Variants in POGK observed in about 807,000 individuals in gnomAD.
POGK encodes the protein pogo transposable element derived with KRAB domain.
Under a neutral mutation model 54.4 loss-of-function variants are expected in POGK, and 16 were observed. That is an observed-to-expected ratio of 0.29 (90% confidence interval 0.20 to 0.45). The LOEUF is 0.45. Ranked by LOEUF, POGK falls within the 20% of genes least tolerant of loss-of-function variation. The probability of loss-of-function intolerance (pLI) is 1.00; values close to 1 mark genes in which losing one functional copy is unlikely to be tolerated. For missense variants in POGK, 515 were observed against 795.6 expected (o/e 0.65, Z 4.24); for synonymous variants, 271 against 302.2 (o/e 0.90, Z 1.07).
intron 4 of POGK, 50 bp from the exon 5 acceptor site, chr1:166,848,888 G>T: frequency 6.5e-7 from 1 of 1,535,572 alleles, no homozygotes; most frequent in Non-Finnish European, 8.8e-7. Context: ...CAGGGTATAA[G>T]CCATTTTACT....
At chr1:166,841,197 C>CCGGTGT in intron 2 of POGK, 109 bp downstream of exon 2, 1 of 1,439,300 alleles carries the variant, frequency 6.9e-7, no homozygotes, top group Admixed American at 2.3e-5. Flanking sequence ...ATAGCCCAGC[C>CCGGTGT]CGGTGTGTTT....
Position 166,848,243 on chromosome 1 carries a change from G to A in POGK, c.358+651G>A, listed in dbSNP as rs116647818. Among the ~76,000 whole-genome samples the A allele has an allele frequency of 9.8e-3, 1,497 of 152,274 alleles. 26 individuals carry two copies. The highest frequency in any genetic ancestry group is 0.033 in the African/African-American group (1,383 of 41,540). ...ATTGAGAATGCCTCTTAAAATCAGT[G>A]GCATGTCATAGCTTAATTAGTAGTG... On this transcript the variant is annotated intron_variant, in intron 4 of 5. Coordinates refer to ENST00000367876, the MANE Select transcript of POGK (RefSeq NM_017542.5).
At chr1:166,840,859 C>G in intron 1 of POGK, 96 bp from the exon 2 acceptor site, 1 of 1,494,596 alleles carries the variant, frequency 6.7e-7, no homozygotes. Context: ...GTGCTTGGGG[C>G]TAAAGAGGTT....
Position 166,855,284 on chromosome 1 carries a change from T to C in POGK, c.*2714T>C, listed in dbSNP as rs1367121408. The C allele has an allele frequency of 6.6e-6, 1 of 152,202 alleles. No individual in the cohort carries two copies. The highest frequency in any genetic ancestry group is 2.4e-5 in the African/African-American group (1 of 41,436). 9.4% of individuals were successfully genotyped at this position (152,202 alleles called of 1,614,324 possible). A position where few individuals can be genotyped will look rare whatever the true frequency, so the allele number is the denominator to read the frequency against. On this transcript the variant is annotated 3_prime_UTR_variant, in exon 6 of 6. Transcript: ENST00000367876. ...CTGCAGGAAAAAATAAGTTTTATTC[T>C]AAGTCTGAAATTATATGGTTTCCAA... is the stretch of plus-strand genomic sequence containing the variant.
chr1:166,846,275 G>A (rs972758670), intron 2 of POGK, among the ~76,000 whole-genome samples: 2 of 152,212 alleles, frequency 1.3e-5, no homozygotes, highest in African/African-American at 2.4e-5. Flanking sequence ...GAGGTGAGCC[G>A]TGAGCAGCTC....
chr1:166,848,801 A>G (rs750850403), intron 4 of POGK, 137 bp from the exon 5 acceptor site: 2 of 1,186,628 alleles, frequency 1.7e-6, no homozygotes, highest in East Asian at 2.4e-5. Context: ...GACTTAGGCA[A>G]TGTTACCTGT....
At chr1:166,841,435 C>T (rs546852512) in intron 2 of POGK, among the ~76,000 whole-genome samples, 1 of 152,162 alleles carries the variant, frequency 6.6e-6, no homozygotes, top group Admixed American at 6.5e-5. Flanking sequence ...TTGAAGGGAA[C>T]CATTTTAAAT....
At chr1:166,843,749 C>CTTTGAGATAGCA (rs779331785) in intron 2 of POGK, among the ~76,000 whole-genome samples, 10 of 152,106 alleles carry the variant, frequency 6.6e-5, no homozygotes, top group Admixed American at 1.3e-4. Flanking sequence ...AACATTTACC[C>CTTTGAGATAGCA]TTTGAGATAG....
rs1657974077 is a variant in POGK at position 166,849,531 on chromosome 1, G to A, written c.952G>A (p.Asp318Asn). 6.2e-7 allele frequency: 1 copy of A among 1,614,144 alleles called. No individual in the cohort carries two copies. The highest frequency in any genetic ancestry group is 1.3e-5 in the African/African-American group (1 of 74,954). The part of the protein sequence containing the change: ...GWCRRMMRRY[D>N]LSLRHKVPVP... ...GTGTCGAAGAATGATGAGAAGGTAT[G>A]ACCTGTCTCTGAGGCATAAAGTGCC... The change falls in exon 5 of 6, where the codon GAC (aspartate) becomes AAC (asparagine). Residue 318 changes from aspartate to asparagine, a missense_variant. Coordinates refer to ENST00000367876, the MANE Select transcript of POGK (RefSeq NM_017542.5).
At chr1:166,846,853 C>T in intron 3 of POGK, 115 bp downstream of exon 3, 1 of 1,366,764 alleles carries the variant, frequency 7.3e-7, no homozygotes, top group Non-Finnish European at 1.0e-6. Context: ...ACTCTGCCTC[C>T]TCAATGTCTG....
intron 4 of POGK, among the ~76,000 whole-genome samples, chr1:166,847,946 A>G (rs1435927467): frequency 6.6e-6 from 1 of 152,168 alleles, no homozygotes; most frequent in Non-Finnish European, 1.5e-5. Context: ...TAGTGAGAGG[A>G]AGCACACTTC....
intron 1 of POGK, chr1:166,839,900 GGGGGC>G: frequency 6.6e-6 from 1 of 152,300 alleles, no homozygotes. Context: ...GAACGCGCCC[GGGGGC>G]GCGGCGGCGG....
At chr1:166,852,396 C>T (rs2232521) in intron 5 of POGK, 189 bp from the exon 6 acceptor site, 54,969 of 152,096 alleles carry the variant, frequency 0.36, 10,063 homozygotes, top group Middle Eastern at 0.5. Flanking sequence ...CCACAATTCT[C>T]TCTGCAGCTC....
chr1:166,851,736 G>C (rs909350907), intron 5 of POGK: 1 of 152,234 alleles, frequency 6.6e-6, no homozygotes, highest in Non-Finnish European at 1.5e-5. Context: ...TGATCCTCCA[G>C]ACAGTGTTTT....
chr1:166,845,758 A>G (rs985493536), intron 2 of POGK, among the ~76,000 whole-genome samples: 16 of 152,334 alleles, frequency 1.1e-4, no homozygotes, highest in African/African-American at 3.8e-4. Flanking sequence ...AATGACTGTA[A>G]TAAGAAATAC....
At chr1:166,840,885 C>A in intron 1 of POGK, 70 bp from the exon 2 acceptor site, 2 of 1,587,178 alleles carry the variant, frequency 1.3e-6, no homozygotes, top group Non-Finnish European at 1.7e-6. Context: ...GTGGCTCAGC[C>A]TCCCCCATCA....
intron 5 of POGK, chr1:166,851,326 TC>T: frequency 6.6e-6 from 1 of 152,338 alleles, no homozygotes; most frequent in Middle Eastern, 3.4e-3. Flanking sequence ...TACTTGCTTT[TC>T]CCTACAGAGT....
At chr1:166,841,168 A>G (rs1031923367) in intron 2 of POGK, 80 bp downstream of exon 2, 1 of 1,562,530 alleles carries the variant, frequency 6.4e-7, no homozygotes, top group African/African-American at 1.4e-5. Flanking sequence ...TCCTCCTCAG[A>G]CAGACGTGGG....
rs372380432 is a variant in POGK, at chr1:166,850,187, C to T, written c.1608C>T (p.Thr536=). Residue 536 remains threonine (T), a synonymous_variant, in exon 5 of 6, where the codon ACC becomes ACT. Transcript: ENST00000367876. ...LLAGNLALSP[T]GNAKKPPLGL... ...CTGGGAACCTGGCGCTGAGCCCAAC[C>T]GGGAATGCTAAGAAGCCACCCCTGG... 1.9e-4 allele frequency: 290 copies of T among 1,556,320 alleles called. 1 individual carries two copies. The highest frequency in any genetic ancestry group is 4.2e-4 in the South Asian group (36 of 84,752).
Sources: allele counts gnomAD v4.1 joint callset (sites outside exome capture counted in the v4.1 genomes callset), GRCh38; gene constraint gnomAD v4.1.1; transcripts MANE v1.5; gene names NCBI Gene and HGNC (gene_info 2026-07-23, HGNC 2026-07-21).